Variants in TNIK observed in about 807,000 individuals in gnomAD.
The protein encoded by TNIK is TRAF2 and NCK-interacting protein kinase.
A neutral mutation model predicts 191.3 loss-of-function variants in TNIK; 49 were observed. That is an observed-to-expected ratio of 0.26 (90% CI 0.20 to 0.32). The LOEUF is 0.32. TNIK is among the 10% of genes least tolerant of loss of function. TNIK has a pLI of 1.00. For missense variants in TNIK, 1,155 were observed against 1,702.3 expected (o/e 0.68, Z 5.66); for synonymous variants, 594 against 600.9 (o/e 0.99, Z 0.17).
chr3:171,427,249 T>C (rs1724764586), intron 1 of TNIK, among the ~76,000 whole-genome samples: 1 of 152,168 alleles, frequency 6.6e-6, no homozygotes, highest in Non-Finnish European at 1.5e-5. Context: ...AAAAGCTGGC[T>C]TCCTTCTTTA....
intron 7 of TNIK, among the ~76,000 whole-genome samples, chr3:171,182,375 G>T (rs944512267): frequency 2.0e-5 from 3 of 152,060 alleles, no homozygotes; most frequent in Non-Finnish European, 2.9e-5. Flanking sequence ...TTAAGTAAAG[G>T]AGAAAATGCT....
chr3:171,061,175 G>A lies in TNIK; in HGVS notation c.*2706C>T, dbSNP rs1398677480. 6.6e-6 allele frequency among the ~76,000 whole-genome samples: 1 copy of A among 152,098 alleles called. No individual in the cohort carries two copies. The highest frequency in any genetic ancestry group is 1.5e-5 in the Non-Finnish European group (1 of 68,016). On this transcript the variant is annotated 3_prime_UTR_variant, in exon 33 of 33. Transcript: ENST00000436636. ...CTAGGCCTCCTTATGTCAGGGCTGG[G>A]GTCTGTCTTGCTGGAGGAAAATTTA...
Position 171,199,343 on chromosome 3 carries a change from CAG to C in TNIK, c.307-4710_307-4709del, listed in dbSNP as rs1221769085. On this transcript the variant is annotated intron_variant, in intron 4 of 32. Coordinates refer to ENST00000436636, the MANE Select transcript of TNIK (RefSeq NM_015028.4). ...ACCTCATCACATTAATAAACAGAAACAGAGCTCAACATGCCAAGCTCAGCAGT... is the reference window on the plus strand; with the variant it reads ...ACCTCATCACATTAATAAACAGAAACAGCTCAACATGCCAAGCTCAGCAGT... Among the ~76,000 whole-genome samples the C allele has an allele frequency of 2.0e-5, 3 of 152,148 alleles. No individual in the cohort carries two copies. The East Asian group carries it at 5.8e-4, about 29-fold the overall frequency.
chr3:171,338,794 T>C (rs1430850212), intron 2 of TNIK, among the ~76,000 whole-genome samples: 1 of 151,444 alleles, frequency 6.6e-6, no homozygotes, highest in East Asian at 2.0e-4. Flanking sequence ...TCAACCACCA[T>C]GCCCGGCCCT....
At chr3:171,108,026 A>ACCCACAGG in intron 20 of TNIK, 39 bp downstream of exon 20, 1 of 1,544,600 alleles carries the variant, frequency 6.5e-7, no homozygotes, top group East Asian at 2.4e-5. Flanking sequence ...TTCTCTGGTA[A>ACCCACAGG]ATTAAGAGTT....
At chr3:171,073,008 C>A (rs1719403218) in intron 28 of TNIK, among the ~76,000 whole-genome samples, 1 of 151,996 alleles carries the variant, frequency 6.6e-6, no homozygotes, top group Non-Finnish European at 1.5e-5. Context: ...AAGCAGTCTA[C>A]AAATTGCCAA....
At chr3:171,440,558 G>C (rs910723075) in intron 1 of TNIK, among the ~76,000 whole-genome samples, 6 of 152,182 alleles carry the variant, frequency 3.9e-5, no homozygotes, top group African/African-American at 1.4e-4. Flanking sequence ...TGATACTGTA[G>C]AAAAATAGGG....
chr3:171,316,051 C>G (rs910200341), intron 2 of TNIK, among the ~76,000 whole-genome samples: 2 of 152,022 alleles, frequency 1.3e-5, no homozygotes, highest in African/African-American at 4.8e-5. Flanking sequence ...AGCCTAGAGA[C>G]AGAGACCCAT....
At chr3:171,261,125 C>A (rs897277495) in intron 2 of TNIK, among the ~76,000 whole-genome samples, 1 of 152,170 alleles carries the variant, frequency 6.6e-6, no homozygotes, top group African/African-American at 2.4e-5. Flanking sequence ...TCTGCCTGGT[C>A]TCCAGCCTCA....
intron 3 of TNIK, among the ~76,000 whole-genome samples, chr3:171,215,556 A>G (rs1163009244): frequency 6.6e-6 from 1 of 152,330 alleles, no homozygotes; most frequent in East Asian, 1.9e-4. Context: ...ACAGAAAACT[A>G]CTAGTCAGAT....
At chr3:171,437,326 G>T (rs1421794151) in intron 1 of TNIK, among the ~76,000 whole-genome samples, 1 of 152,162 alleles carries the variant, frequency 6.6e-6, no homozygotes, top group Non-Finnish European at 1.5e-5. Context: ...CTTCCACTTT[G>T]CTCTGTTCCA....
chr3:171,143,769 G>T (rs1461425240), intron 12 of TNIK, among the ~76,000 whole-genome samples: 1 of 152,162 alleles, frequency 6.6e-6, no homozygotes, highest in Non-Finnish European at 1.5e-5. Flanking sequence ...CTGCAAACTG[G>T]CTAAGTAATA....
intron 2 of TNIK, among the ~76,000 whole-genome samples, chr3:171,241,857 G>A (rs1415085530): frequency 6.6e-6 from 1 of 152,180 alleles, no homozygotes; most frequent in African/African-American, 2.4e-5. Flanking sequence ...ATGAGTTCAA[G>A]TCCTTTGTAG....
rs548833544 is a variant in TNIK at position 171,168,608 on chromosome 3, A to C, written c.774-1338T>G. On this transcript the variant is annotated intron_variant, in intron 9 of 32. Transcript: ENST00000436636. Reference sequence around the variant, plus strand: ...TTTTTTTTTCCGCTCTAAATTTCTAAGCTACATTCAAGCTTTTAAAATATT... The same window carrying C: ...TTTTTTTTTCCGCTCTAAATTTCTACGCTACATTCAAGCTTTTAAAATATT... 2.0e-5 allele frequency among the ~76,000 whole-genome samples: 3 copies of C among 152,234 alleles called. No homozygotes were observed. The East Asian group carries it at 5.8e-4, about 29-fold the overall frequency.
chr3:171,211,106 C>T lies in TNIK; in HGVS notation c.306+10G>A. 6.2e-7 allele frequency: 1 copy of T among 1,610,734 alleles called. No homozygotes were observed. The highest frequency in any genetic ancestry group is 1.3e-5 in the African/African-American group (1 of 74,842). On this transcript the variant is annotated intron_variant, in intron 4 of 32. Coordinates refer to ENST00000436636, the MANE Select transcript of TNIK (RefSeq NM_015028.4). ...ATGTAAATAAAGCAAATTTGGACGG[C>T]AGTACATACCCAAAGTTGGTCATCC...
chr3:171,132,936 A>G (rs548828232), intron 15 of TNIK, among the ~76,000 whole-genome samples: 1 of 152,124 alleles, frequency 6.6e-6, no homozygotes, highest in Non-Finnish European at 1.5e-5. Context: ...TTTTGTGTTT[A>G]TTGGCAATGC....
chr3:171,341,109 T>G (rs575660826), intron 2 of TNIK, among the ~76,000 whole-genome samples: 2 of 152,276 alleles, frequency 1.3e-5, no homozygotes, highest in Non-Finnish European at 1.5e-5. Context: ...AAGAGTCAAT[T>G]TAAATAAATC....
chr3:171,101,784 A>AAAGCTCTATATAGAAC, intron 21 of TNIK, 151 bp from the exon 22 acceptor site: 1 of 723,180 alleles, frequency 1.4e-6, no homozygotes, highest in South Asian at 2.1e-5. Context: ...AACTAAGAAA[A>AAAGCTCTATATAGAAC]TGATGTTTGT....
intron 29 of TNIK, among the ~76,000 whole-genome samples, chr3:171,070,169 T>C (rs1718999869): frequency 6.6e-6 from 1 of 152,224 alleles, no homozygotes; most frequent in African/African-American, 2.4e-5. Flanking sequence ...AGTAACCTAA[T>C]GCATTCCAAT....
Sources: gnomAD v4.1 joint callset for allele counts (sites outside exome capture counted in the v4.1 genomes callset) on GRCh38, gnomAD v4.1.1 for gene constraint, MANE v1.5 for transcripts, NCBI Gene and HGNC (gene_info 2026-07-23, HGNC 2026-07-21) for gene names.